Variants in COLEC10 observed in about 807,000 individuals in gnomAD.
COLEC10 encodes collectin-10.
In COLEC10, 22 loss-of-function variants were observed where a neutral mutation model predicts 28.4. The ratio of observed to expected loss-of-function variants is 0.78; its 90% CI spans 0.55 to 1.11. COLEC10 has a LOEUF of 1.11. COLEC10 is among the 50% of genes least tolerant of loss of function. The pLI is 0.00. For missense variants in COLEC10, 361 were observed against 344.1 expected (o/e 1.05, Z -0.39); for synonymous variants, 125 against 116.1 (o/e 1.08, Z -0.49).
rs967373576 is a variant in COLEC10, at chr8:119,013,241, C to T, written n.235+3688C>T. On this transcript the variant is annotated intron_variant and non_coding_transcript_variant, in intron 2 of 6. Coordinates refer to the COLEC10 transcript ENST00000521788. ...TTGACCCATATGTTATTTAGAAGTG[C>T]GTTGTTTAGTCTCCATATATTTTGG... 1.7e-4 allele frequency among the ~76,000 whole-genome samples: 26 copies of T among 150,374 alleles called. 1 individual carries two copies. The highest frequency in any genetic ancestry group is 1.3e-3 in the Admixed American group (19 of 15,150).
At chr8:118,979,400 A>G in the COLEC10 span, among the ~76,000 whole-genome samples, 1 of 152,054 alleles carries the variant, frequency 6.6e-6, no homozygotes, top group African/African-American at 2.4e-5. Context: ...TTTAATAAAT[A>G]GAAAGTGACT....
intron 2 of COLEC10, 58 bp downstream of exon 2, chr8:119,089,809 C>T: frequency 1.4e-6 from 2 of 1,415,044 alleles, no homozygotes; most frequent in South Asian, 2.4e-5. Flanking sequence ...TCTATCTCTC[C>T]TGGCCCTTGC....
chr8:119,092,990 G>A (rs1315030908), intron 3 of COLEC10, among the ~76,000 whole-genome samples: 5 of 152,122 alleles, frequency 3.3e-5, no homozygotes, highest in African/African-American at 1.2e-4. Flanking sequence ...ACTGATATGC[G>A]AAAGAACAGA....
At chr8:119,037,710 T>G (rs1206930959) in intron 2 of COLEC10, among the ~76,000 whole-genome samples, 1 of 152,220 alleles carries the variant, frequency 6.6e-6, no homozygotes, top group Non-Finnish European at 1.5e-5. Context: ...CTCCACCAAG[T>G]TTTCTGAACC....
chr8:119,052,146 G>T (rs970804895), intron 2 of COLEC10, among the ~76,000 whole-genome samples: 21 of 152,068 alleles, frequency 1.4e-4, no homozygotes, highest in African/African-American at 4.8e-4. Flanking sequence ...AAATATCGAA[G>T]TTTCTCATTC....
At chr8:119,010,879 C>G (rs1281426547) in intron 2 of COLEC10, among the ~76,000 whole-genome samples, 2 of 150,910 alleles carry the variant, frequency 1.3e-5, no homozygotes, top group Non-Finnish European at 2.9e-5. Flanking sequence ...TTTAAGAGTT[C>G]TTTGTATATT....
chr8:119,009,731 T>G (rs1204908158), intron 2 of COLEC10, among the ~76,000 whole-genome samples: 1 of 150,798 alleles, frequency 6.6e-6, no homozygotes, highest in African/African-American at 2.5e-5. Context: ...ACCTTTGATC[T>G]GCTCATCTAT....
chr8:119,067,409 C>A lies in COLEC10; in HGVS notation c.128C>A (p.Thr43Lys). Reference protein sequence around the residue: ...RPTAEVCATHTISPGPKGDDG... With the variant: ...RPTAEVCATHKISPGPKGDDG... ...ACCGCTGAAGTCTGTGCCACACACA[C>A]AATTTCACCAGGACCCAAAGGTGAG... The change falls in exon 1 of 6, where the codon ACA becomes AAA. Residue 43 changes from threonine to lysine, a missense_variant. Physicochemically the swap from Thr to Lys is moderately conservative, Grantham distance 78. Around this residue, in one of 3 missense-constraint regions of COLEC10, gnomAD observed 335 missense variants for 308.5 expected, o/e 1.09. Coordinates refer to ENST00000332843, the MANE Select transcript of COLEC10 (RefSeq NM_006438.5). The A allele has an allele frequency of 6.2e-7, 1 of 1,613,858 alleles. No homozygotes were observed. Among genetic ancestry groups the A allele is most frequent in the Non-Finnish European group, 8.5e-7 (1 of 1,179,880 alleles).
intron 2 of COLEC10, among the ~76,000 whole-genome samples, chr8:119,029,620 A>T (rs903460645): frequency 6.6e-6 from 1 of 152,038 alleles, no homozygotes; most frequent in Admixed American, 6.6e-5. Flanking sequence ...CTAATAAAGT[A>T]CCTCTCATTG....
the COLEC10 span, among the ~76,000 whole-genome samples, chr8:118,952,440 A>G: frequency 6.6e-6 from 1 of 152,218 alleles, no homozygotes; most frequent in Non-Finnish European, 1.5e-5. Context: ...ACCTCAAATT[A>G]CAGGGCCCCT....
At chr8:118,966,926 A>C in the COLEC10 span, among the ~76,000 whole-genome samples, 1 of 152,076 alleles carries the variant, frequency 6.6e-6, no homozygotes. Context: ...TTCTATTGTA[A>C]ATCAGTCTTT....
intron 2 of COLEC10, among the ~76,000 whole-genome samples, chr8:119,047,963 T>C (rs1040234689): frequency 1.4e-4 from 22 of 152,230 alleles, no homozygotes; most frequent in African/African-American, 5.3e-4. Flanking sequence ...ACATACTTAT[T>C]TACTAAAGCA....
At chr8:119,066,402 G>T (rs1814964018), upstream of COLEC10, among the ~76,000 whole-genome samples, 1 of 152,130 alleles carries the variant, frequency 6.6e-6, no homozygotes, top group Non-Finnish European at 1.5e-5. Context: ...ATCTAAATCT[G>T]TTGAGCTTTT....
At chr8:119,048,377 T>G (rs1814619733) in intron 2 of COLEC10, among the ~76,000 whole-genome samples, 1 of 152,202 alleles carries the variant, frequency 6.6e-6, no homozygotes, top group Non-Finnish European at 1.5e-5. Context: ...GTTGGTCAAG[T>G]GTCAAGTTTA....
chr8:118,982,278 C>G, the COLEC10 span, among the ~76,000 whole-genome samples: 1 of 151,992 alleles, frequency 6.6e-6, no homozygotes, highest in East Asian at 1.9e-4. Context: ...ATATGGTTTT[C>G]AGAAGAACAA....
chr8:119,091,055 C>A (rs535662774), intron 2 of COLEC10, 94 bp from the exon 3 acceptor site: 18 of 937,820 alleles, frequency 1.9e-5, no homozygotes, highest in Non-Finnish European at 2.9e-5. Context: ...GAAGAATATA[C>A]TTGTTGGTAT....
rs571041711 is a variant in COLEC10 at position 119,039,481 on chromosome 8, A to C, written n.235+29928A>C. ...TGACAACACTGTGCCAGTGTTGGGC[A>C]TAGTGCGTGGCTCATAGAAGATGCT... is the stretch of plus-strand genomic sequence containing the variant. On this transcript the variant is annotated intron_variant and non_coding_transcript_variant, in intron 2 of 6. Transcript: ENST00000521788. 4.6e-5 allele frequency among the ~76,000 whole-genome samples: 7 copies of C among 152,336 alleles called. No individual in the cohort carries two copies. The East Asian group carries it at 1.4e-3, about 29-fold the overall frequency.
At chr8:118,967,507 A>G in the COLEC10 span, among the ~76,000 whole-genome samples, 1 of 152,080 alleles carries the variant, frequency 6.6e-6, no homozygotes, top group Non-Finnish European at 1.5e-5. Flanking sequence ...ACTTACTTGT[A>G]TAATAAGTAC....
Position 119,106,388 on chromosome 8 carries a change from C to A in COLEC10, c.*197C>A, listed in dbSNP as rs912556561. 3.1e-5 allele frequency: 17 copies of A among 539,966 alleles called. No individual in the cohort carries two copies. The highest frequency in any genetic ancestry group is 5.7e-5 in the African/African-American group (3 of 53,046). The allele number at this position is 539,966 out of a possible 1,614,324, so 33.4% of individuals were successfully genotyped here. On this transcript the variant is annotated 3_prime_UTR_variant, in exon 6 of 6. Coordinates refer to ENST00000332843, the MANE Select transcript of COLEC10 (RefSeq NM_006438.5). ...TTTCACACATGGTATATTATTGACC[C>A]AATAACTCGCCAGGTTACATGGGTC...
Sources: gnomAD v4.1 joint callset for allele counts (sites outside exome capture counted in the v4.1 genomes callset) on GRCh38, gnomAD v4.1.1 for gene constraint, gnomAD v4.1.1 regional missense constraint, MANE v1.5 for transcripts, NCBI Gene and HGNC (gene_info 2026-07-23, HGNC 2026-07-21) for gene names.